RFC2: variants seen among roughly 807,000 people sequenced by gnomAD.
The protein encoded by RFC2 is A1 40 kDa subunit.
RFC2 carries 34 observed loss-of-function variants against 44.8 expected under a neutral mutation model. The observed-to-expected ratio is 0.76, with a 90% CI of 0.58 to 1.01. RFC2 has a LOEUF of 1.01. Ranked by LOEUF, RFC2 falls within the 50% of genes least tolerant of loss-of-function variation. RFC2 has a pLI of 0.00. For missense variants in RFC2, 400 were observed against 453.6 expected (o/e 0.88, Z 1.07); for synonymous variants, 177 against 168.9 (o/e 1.05, Z -0.37).
chr7:74,237,946 C>T (rs1554718611), intron 8 of RFC2, among the ~76,000 whole-genome samples: 1 of 152,148 alleles, frequency 6.6e-6, no homozygotes, highest in Non-Finnish European at 1.5e-5. Flanking sequence ...GTCCTCCCTG[C>T]AGCATTCTCC....
chr7:74,241,034 G>C (rs782675583), intron 6 of RFC2, among the ~76,000 whole-genome samples: 6 of 152,068 alleles, frequency 3.9e-5, no homozygotes, highest in Non-Finnish European at 7.4e-5. Context: ...AGGTTCAAGT[G>C]ATTCTCCTGT....
intron 6 of RFC2, among the ~76,000 whole-genome samples, chr7:74,240,370 C>T (rs577112586): frequency 2.0e-5 from 3 of 151,960 alleles, no homozygotes; most frequent in Admixed American, 2.0e-4. Context: ...GGTGTGGTGT[C>T]GCACGTCTGT....
chr7:74,249,896 G>T, intron 2 of RFC2, 116 bp from the exon 3 acceptor site: 1 of 891,480 alleles, frequency 1.1e-6, no homozygotes. Context: ...CAATGGCTCA[G>T]GCCTGTAATC....
intron 2 of RFC2, among the ~76,000 whole-genome samples, chr7:74,252,063 C>T (rs1225271338): frequency 6.9e-5 from 9 of 130,604 alleles, no homozygotes; most frequent in African/African-American, 1.5e-4. Context: ...TACGCCAATG[C>T]GCTCCAGCCT....
chr7:74,242,292 T>C (rs942366838), intron 6 of RFC2, among the ~76,000 whole-genome samples: 101 of 152,258 alleles, frequency 6.6e-4, no homozygotes, highest in African/African-American at 2.4e-3. Context: ...AAGAGGGTGA[T>C]AGAACTGGGG....
intron 4 of RFC2, among the ~76,000 whole-genome samples, 162 bp from the exon 5 acceptor site, chr7:74,246,925 T>C (rs1554720145): frequency 6.6e-6 from 1 of 152,022 alleles, no homozygotes; most frequent in Admixed American, 6.6e-5. Context: ...TGAGATTTTA[T>C]GGCATTTGTT....
intron 9 of RFC2, among the ~76,000 whole-genome samples, chr7:74,236,179 G>T (rs1554718288): frequency 6.6e-6 from 1 of 152,216 alleles, no homozygotes; most frequent in African/African-American, 2.4e-5. Flanking sequence ...CCAGCCTCCT[G>T]CTTCCCACCC....
chr7:74,246,214 T>TAAATAC (rs547678440), intron 5 of RFC2, among the ~76,000 whole-genome samples: 5,845 of 142,918 alleles, frequency 0.041, 219 homozygotes, highest in African/African-American at 0.11. Context: ...AATAAATAAA[T>TAAATAC]AAATACAAAT....
At chr7:74,241,403 C>T (rs1323703002) in intron 6 of RFC2, among the ~76,000 whole-genome samples, 1 of 152,192 alleles carries the variant, frequency 6.6e-6, no homozygotes, top group Admixed American at 6.5e-5. Flanking sequence ...CAAATCAGTG[C>T]GATTTTGGGA....
intron 1 of RFC2, 85 bp from the exon 2 acceptor site, chr7:74,252,583 T>C (rs1787032436): frequency 3.7e-6 from 3 of 814,782 alleles, no homozygotes; most frequent in South Asian, 2.8e-5. Context: ...CTGAGAGCTT[T>C]GTTAAAAAAT....
intron 10 of RFC2, chr7:74,233,817 T>G (rs1554717705): frequency 2.2e-6 from 1 of 456,408 alleles, no homozygotes; most frequent in African/African-American, 2.0e-5. Context: ...CTCCATGTGG[T>G]GGCTAGGTTG....
rs540600655 is a variant in RFC2 at position 74,232,804 on chromosome 7, G to A, written c.955-588C>T. Reference sequence around the variant, plus strand: ...CACTTAAACCTGGGAGGCGAAGGTTGCAGTGAGCTGAGATAGTGCCACTGC... The same window carrying A: ...CACTTAAACCTGGGAGGCGAAGGTTACAGTGAGCTGAGATAGTGCCACTGC... On this transcript the variant is annotated intron_variant, in intron 10 of 10. Coordinates refer to ENST00000055077, the MANE Select transcript of RFC2 (RefSeq NM_181471.3). 2.2e-4 allele frequency among the ~76,000 whole-genome samples: 34 copies of A among 152,284 alleles called. No individual in the cohort carries two copies. The East Asian group carries it at 6.4e-3, about 29-fold the overall frequency.
intron 5 of RFC2, among the ~76,000 whole-genome samples, chr7:74,244,532 G>A (rs567209291): frequency 4.3e-4 from 65 of 151,330 alleles, no homozygotes; most frequent in Middle Eastern, 3.4e-3. Flanking sequence ...CACCATGTCC[G>A]GCTAATTTTT....
intron 6 of RFC2, among the ~76,000 whole-genome samples, chr7:74,241,150 C>G (rs1803310410): frequency 6.6e-6 from 1 of 152,056 alleles, no homozygotes. Context: ...AGGTTGGTCT[C>G]GAACTCCAGA....
intron 6 of RFC2, among the ~76,000 whole-genome samples, chr7:74,242,369 TTTTC>T (rs1803379863): frequency 6.6e-6 from 1 of 152,114 alleles, no homozygotes; most frequent in Non-Finnish European, 1.5e-5. Flanking sequence ...TCCAAGCTCG[TTTTC>T]TTTCTCTTTT....
Position 74,249,780 on chromosome 7 carries a change from C to T in RFC2, c.184G>A (p.Val62Ile), listed in dbSNP as rs782256983. Reference protein sequence around the residue: ...GNEDTVSRLEVFAREGNVPNI... With the variant: ...GNEDTVSRLEIFAREGNVPNI... ...GGCACATTTCCTTCCCTTGCAAAGA[C>T]CTACGGCGAAAATGATCATTAAAAC... The change falls in exon 3 of 11, where the codon GTC becomes ATC. Residue 62 changes from valine (V) to isoleucine (I), a missense_variant and splice_region_variant. Val to Ile is a conservative substitution (Grantham distance 29). Coordinates refer to ENST00000055077, the MANE Select transcript of RFC2 (RefSeq NM_181471.3). 6 of 1,613,408 alleles carry T rather than the reference C, an allele frequency of 3.7e-6. No homozygotes were observed. Among genetic ancestry groups the T allele is most frequent in the Non-Finnish European group, 5.1e-6 (6 of 1,179,420 alleles).
At chr7:74,235,913 C>T (rs1802991644) in intron 9 of RFC2, among the ~76,000 whole-genome samples, 1 of 152,134 alleles carries the variant, frequency 6.6e-6, no homozygotes, top group South Asian at 2.1e-4. Context: ...CCTGCCTCGA[C>T]CTCCAAAAGT....
intron 10 of RFC2, among the ~76,000 whole-genome samples, chr7:74,234,609 C>A (rs1554717898): frequency 1.3e-5 from 2 of 151,842 alleles, no homozygotes; most frequent in African/African-American, 4.8e-5. Flanking sequence ...GGAATTTGGT[C>A]CCCAATGTGG....
At chr7:74,235,477 C>T (rs1563986015) in intron 10 of RFC2, 55 bp downstream of exon 10, 7 of 1,147,158 alleles carry the variant, frequency 6.1e-6, no homozygotes, top group African/African-American at 3.0e-5. Flanking sequence ...CCACAGCACC[C>T]GGCCACTATG....
Sources: gnomAD v4.1 joint callset for allele counts (sites outside exome capture counted in the v4.1 genomes callset) on GRCh38, gnomAD v4.1.1 for gene constraint, MANE v1.5 for transcripts, NCBI Gene and HGNC (gene_info 2026-07-23, HGNC 2026-07-21) for gene names.